The following RBPJ variants were observed in gnomAD, a reference collection of about 807,000 sequenced individuals.
RBPJ encodes the protein recombination signal binding protein for immunoglobulin kappa J region, also known as recombining binding protein suppressor of hairless.
A neutral mutation model predicts 67.8 loss-of-function variants in RBPJ; 9 were observed. That is an observed-to-expected ratio of 0.13 (90% CI 0.08 to 0.23). The LOEUF is 0.23. Ranked by LOEUF, RBPJ falls within the 10% of genes least tolerant of loss-of-function variation. The probability of loss-of-function intolerance (pLI) is 1.00; values close to 1 mark genes in which losing one functional copy is unlikely to be tolerated. For missense variants in RBPJ, 305 were observed against 595.6 expected (o/e 0.51, Z 5.08); for synonymous variants, 198 against 203.3 (o/e 0.97, Z 0.22).
At chr4:26,376,311 A>G (rs1729723252) in intron 1 of RBPJ, among the ~76,000 whole-genome samples, 2 of 152,174 alleles carry the variant, frequency 1.3e-5, no homozygotes, top group Admixed American at 6.5e-5. Context: ...GGTCCCTGGT[A>G]GCCACCAATT....
chr4:26,220,805 G>A (rs1262152972), intron 1 of RBPJ, among the ~76,000 whole-genome samples: 1 of 152,210 alleles, frequency 6.6e-6, no homozygotes, highest in Non-Finnish European at 1.5e-5. Flanking sequence ...GACCCACCCA[G>A]GGCTAAGGGA....
the RBPJ span, among the ~76,000 whole-genome samples, chr4:26,154,845 C>A: frequency 6.6e-6 from 1 of 152,146 alleles, no homozygotes; most frequent in African/African-American, 2.4e-5. Flanking sequence ...TCCTTTTAAA[C>A]AACCAGCTCT....
At chr4:26,337,403 T>C (rs147592548) in intron 1 of RBPJ, among the ~76,000 whole-genome samples, 94 of 152,322 alleles carry the variant, frequency 6.2e-4, no homozygotes, top group African/African-American at 2.2e-3. Context: ...AATTGAATTA[T>C]ACCAATTCAG....
At chr4:26,202,882 A>G (rs1718028656) in intron 1 of RBPJ, among the ~76,000 whole-genome samples, 1 of 149,130 alleles carries the variant, frequency 6.7e-6, no homozygotes. Context: ...GTACCACTGC[A>G]CTCCAGCCTG....
At chr4:26,231,748 C>T (rs1331992871) in intron 1 of RBPJ, among the ~76,000 whole-genome samples, 1 of 151,724 alleles carries the variant, frequency 6.6e-6, no homozygotes, top group East Asian at 1.9e-4. Context: ...GGGGTTTCAC[C>T]GTGTTAGCCA....
chr4:26,109,438 C>A, the RBPJ span, among the ~76,000 whole-genome samples: 9 of 34,280 alleles, frequency 2.6e-4, no homozygotes, highest in African/African-American at 1.7e-3. Context: ...CTCTCTCTCT[C>A]TCTCTCTCTC....
intron 1 of RBPJ, among the ~76,000 whole-genome samples, chr4:26,243,247 TA>T (rs1719711799): frequency 6.6e-6 from 1 of 151,998 alleles, no homozygotes. Flanking sequence ...ATAATAATGA[TA>T]AAAAGTAAAA....
intron 1 of RBPJ, among the ~76,000 whole-genome samples, chr4:26,270,391 AAG>A (rs1294690269): frequency 2.1e-4 from 12 of 56,518 alleles, no homozygotes; most frequent in African/African-American, 6.0e-4. Context: ...GAAAGAAAGA[AAG>A]AAAGAAAGAA....
rs200598882 is a variant in RBPJ, at chr4:26,292,402, C to CT, written c.-166-70035dup. Reference sequence around the variant, plus strand: ...TGTTGCAAATGGCAAAATTTCCTCACTTTTTTTTTATGACTGAATAATATA... The same window carrying CT: ...TGTTGCAAATGGCAAAATTTCCTCACTTTTTTTTTTATGACTGAATAATATA... On this transcript the variant is annotated intron_variant, in intron 1 of 4. Coordinates refer to the RBPJ transcript ENST00000512351. 1.5e-4 allele frequency among the ~76,000 whole-genome samples: 22 copies of CT among 149,344 alleles called. 1 individual carries two copies. The highest frequency in any genetic ancestry group is 3.7e-4 in the African/African-American group (15 of 40,706).
At chr4:26,235,432 A>C (rs1445374583) in intron 1 of RBPJ, among the ~76,000 whole-genome samples, 1 of 152,234 alleles carries the variant, frequency 6.6e-6, no homozygotes, top group African/African-American at 2.4e-5. Context: ...ATGTCTTTAC[A>C]TGGATTAACA....
At chr4:26,118,753 A>G in the RBPJ span, among the ~76,000 whole-genome samples, 4 of 152,166 alleles carry the variant, frequency 2.6e-5, no homozygotes, top group African/African-American at 9.7e-5. Flanking sequence ...TAAGCTCACA[A>G]TTTTTCTCAT....
At chr4:26,302,973 G>T (rs1722118726) in intron 1 of RBPJ, among the ~76,000 whole-genome samples, 1 of 151,902 alleles carries the variant, frequency 6.6e-6, no homozygotes, top group African/African-American at 2.4e-5. Flanking sequence ...TTGAGGCCAG[G>T]GGTTTGAGAC....
chr4:26,183,053 C>G (rs1717071959), intron 1 of RBPJ, among the ~76,000 whole-genome samples: 1 of 152,182 alleles, frequency 6.6e-6, no homozygotes, highest in Non-Finnish European at 1.5e-5. Flanking sequence ...TCTAACCTAA[C>G]AATAAAAAGT....
intron 1 of RBPJ, among the ~76,000 whole-genome samples, chr4:26,376,204 T>G (rs1671369266): frequency 1.3e-5 from 2 of 152,212 alleles, no homozygotes; most frequent in Admixed American, 6.5e-5. Flanking sequence ...GTGAATGTAC[T>G]TAACCATCAC....
chr4:26,191,414 AC>A (rs1302999247), intron 1 of RBPJ, among the ~76,000 whole-genome samples: 1 of 151,274 alleles, frequency 6.6e-6, no homozygotes, highest in Non-Finnish European at 1.5e-5. Flanking sequence ...TCTATTATCT[AC>A]CCCCATCCCA....
chr4:26,380,389 C>T (rs1013880864), intron 1 of RBPJ, among the ~76,000 whole-genome samples: 2 of 152,056 alleles, frequency 1.3e-5, no homozygotes, highest in Admixed American at 6.5e-5. Context: ...TAATTGTCCC[C>T]CTACTAGAGG....
chr4:26,407,429 A>T (rs1733540387), intron 3 of RBPJ, among the ~76,000 whole-genome samples: 1 of 152,236 alleles, frequency 6.6e-6, no homozygotes, highest in African/African-American at 2.4e-5. Flanking sequence ...AAATTAAATT[A>T]CAACAAGGTG....
At chr4:26,414,796 T>G (rs1396845951) in intron 3 of RBPJ, among the ~76,000 whole-genome samples, 1 of 152,244 alleles carries the variant, frequency 6.6e-6, no homozygotes, top group Non-Finnish European at 1.5e-5. Flanking sequence ...ACCTGTCATA[T>G]TCTGTGAGTT....
At chr4:26,150,368 G>T in the RBPJ span, among the ~76,000 whole-genome samples, 1 of 152,208 alleles carries the variant, frequency 6.6e-6, no homozygotes, top group African/African-American at 2.4e-5. Flanking sequence ...ACAGTGGTAG[G>T]CTGGAAACCA....
Sources: gnomAD v4.1 joint callset for allele counts (sites outside exome capture counted in the v4.1 genomes callset) on GRCh38, gnomAD v4.1.1 for gene constraint, MANE v1.5 for transcripts, NCBI Gene and HGNC (gene_info 2026-07-23, HGNC 2026-07-21) for gene names.